The following ZNF226 variants were observed in gnomAD, a reference collection of about 807,000 sequenced individuals.
The protein encoded by ZNF226 is zinc finger protein 226.
In ZNF226, 6 loss-of-function variants were observed where a neutral mutation model predicts 11.4. That is an observed-to-expected ratio of 0.53 (90% confidence interval 0.29 to 1.04). The LOEUF (loss-of-function observed/expected upper bound fraction) is 1.04, where lower values mean the gene tolerates loss of function less well. Ranked by LOEUF, ZNF226 falls within the 50% of genes least tolerant of loss-of-function variation. The pLI is 0.08. For synonymous variants in ZNF226, 350 were observed against 322.8 expected (o/e 1.08, Z -0.90); for missense variants, 1,058 against 956.5 (o/e 1.11, Z -1.40).
Position 44,176,820 on chromosome 19 carries a change from G to T in ZNF226, c.1558G>T (p.Val520Phe). 3 of 1,613,162 alleles carry T rather than the reference G, an allele frequency of 1.9e-6. No homozygotes were observed. The highest frequency in any genetic ancestry group is 2.5e-6 in the Non-Finnish European group (3 of 1,179,744). ...CTTCAGGAGGAATTCCCATTATCAA[G>T]TTCATCTAGTGGTCCACACAGGAGA... ...KSFRRNSHYQ[V>F]HLVVHTGEKP... The change falls in exon 6 of 6, where the codon GTT becomes TTT. Residue 520 changes from valine to phenylalanine, a missense_variant. Coordinates refer to ENST00000337433, the MANE Select transcript of ZNF226 (RefSeq NM_001032373.2).
intron 5 of ZNF226, chr19:44,174,758 C>A: frequency 2.7e-6 from 1 of 365,168 alleles, no homozygotes. Flanking sequence ...CTTTCTATAC[C>A]TTGCTTTCAA....
intron 4 of ZNF226, 66 bp downstream of exon 4, chr19:44,172,280 A>G: frequency 6.5e-7 from 1 of 1,547,038 alleles, no homozygotes; most frequent in Non-Finnish European, 8.7e-7. Flanking sequence ...TGGCCCTTGA[A>G]ATTGTTCCCT....
the ZNF226 span, among the ~76,000 whole-genome samples, chr19:44,183,577 C>T: frequency 6.6e-6 from 1 of 152,178 alleles, no homozygotes; most frequent in African/African-American, 2.4e-5. Context: ...TCTATCACAT[C>T]CTGATTCAAC....
chr19:44,187,995 G>C, the ZNF226 span, among the ~76,000 whole-genome samples: 3 of 152,020 alleles, frequency 2.0e-5, no homozygotes, highest in Non-Finnish European at 4.4e-5. This position sits in a 1 kb window ranked among gnomAD's most constrained non-coding sequence, Gnocchi z 4.0. Flanking sequence ...AAGATACTTT[G>C]TATAATTTCA....
At chr19:44,186,555 T>C in the ZNF226 span, among the ~76,000 whole-genome samples, 2 of 152,062 alleles carry the variant, frequency 1.3e-5, no homozygotes, top group South Asian at 4.1e-4. Context: ...CTTTGTATCT[T>C]GCAACTTTGC....
the ZNF226 span, among the ~76,000 whole-genome samples, chr19:44,187,562 A>G: frequency 6.6e-6 from 1 of 151,786 alleles, no homozygotes; most frequent in East Asian, 1.9e-4. The surrounding 1 kb of genome is among the most constrained non-coding windows in gnomAD (Gnocchi z 4.0). Context: ...TAATTTGTCA[A>G]TTGTGTTAAT....
intron 4 of ZNF226, 122 bp downstream of exon 4, chr19:44,172,336 A>ATCCAGTGTCT: frequency 7.6e-7 from 1 of 1,323,752 alleles, no homozygotes; most frequent in Non-Finnish European, 1.0e-6. Context: ...ATGCAGAGAC[A>ATCCAGTGTCT]CTGGATGTTT....
At chr19:44,175,213 T>C in intron 5 of ZNF226, 1 of 1,410,552 alleles carries the variant, frequency 7.1e-7, no homozygotes, top group South Asian at 1.7e-5. Context: ...TACCATATTA[T>C]GGTAGGAAAG....
chr19:44,190,536 C>T, the ZNF226 span, among the ~76,000 whole-genome samples: 1 of 151,970 alleles, frequency 6.6e-6, no homozygotes, highest in Non-Finnish European at 1.5e-5. Flanking sequence ...GGGGTTTCAC[C>T]ATGTTGGCCA....
In ZNF226 at chr19:44,177,121, G is replaced by A; in HGVS notation, c.1859G>A (p.Cys620Tyr). The change falls in exon 6 of 6, where the codon TGT becomes TAT. Residue 620 changes from cysteine (C) to tyrosine (Y), a missense_variant. Transcript: ENST00000337433. ...GAGAAACCATATAATTGTGAGGAGT[G>A]TGGGAAGGTCTTCAGGCAGGCCTCA... ...TGEKPYNCEE[C>Y]GKVFRQASNL... 1 of 1,614,164 alleles carries A rather than the reference G, an allele frequency of 6.2e-7. No individual in the cohort carries two copies.
At chr19:44,172,761 C>A in intron 4 of ZNF226, 99 bp from the exon 5 acceptor site, 1 of 921,856 alleles carries the variant, frequency 1.1e-6, no homozygotes. Flanking sequence ...TTGAAAAACA[C>A]TGCTTTCAGT....
Position 44,176,087 on chromosome 19 carries a change from A to G in ZNF226, c.825A>G (p.Ser275=), listed in dbSNP as rs764146476. 1 of 1,614,192 alleles carries G rather than the reference A, an allele frequency of 6.2e-7. No individual in the cohort carries two copies. Among genetic ancestry groups the G allele is most frequent in the South Asian group, 1.1e-5 (1 of 91,084 alleles). ...TTGATCTTCATCAGCAGTTACAATC[A>G]GGAGAGAAGTCTCTTACATGTGTTG... ...SSFDLHQQLQ[S]GEKSLTCVER... is the part of the protein sequence containing the mutation. The change falls in exon 6 of 6, where the codon TCA becomes TCG. Residue 275 remains serine, a synonymous_variant. Transcript: ENST00000337433.
the ZNF226 span, among the ~76,000 whole-genome samples, chr19:44,191,759 A>G: frequency 6.6e-6 from 1 of 151,904 alleles, no homozygotes; most frequent in South Asian, 2.1e-4. Context: ...AGAACATTAC[A>G]TGGATTAAAA....
chr19:44,183,119 A>G (rs1302854761), downstream of ZNF226, among the ~76,000 whole-genome samples: 2 of 152,196 alleles, frequency 1.3e-5, no homozygotes, highest in African/African-American at 2.4e-5. Context: ...ACCATATTTA[A>G]TGGAGCTGTG....
the ZNF226 span, among the ~76,000 whole-genome samples, chr19:44,191,104 C>G: frequency 2.0e-5 from 3 of 152,168 alleles, no homozygotes; most frequent in Non-Finnish European, 4.4e-5. Context: ...TTCACAAATT[C>G]ATCAGTTTCT....
At chr19:44,181,104 T>C (rs552429722), downstream of ZNF226, among the ~76,000 whole-genome samples, 221 of 152,300 alleles carry the variant, frequency 1.5e-3, 2 homozygotes, top group African/African-American at 5.2e-3. Flanking sequence ...CTCAGCCAGG[T>C]GCAGTGGCTC....
At chr19:44,175,162 G>T (rs1440219072) in intron 5 of ZNF226, 1 of 1,482,560 alleles carries the variant, frequency 6.7e-7, no homozygotes, top group East Asian at 2.4e-5. Context: ...CTGGGCTGTG[G>T]TTGTAAACTG....
rs777538397 is a variant in ZNF226, at chr19:44,176,008, A to G, written c.746A>G (p.Gln249Arg). The change falls in exon 6 of 6, where the codon CAG becomes CGG. Residue 249 changes from glutamine (Q) to arginine (R), a missense_variant. Physicochemically the swap from Gln to Arg is conservative, Grantham distance 43. Transcript: ENST00000337433. ...FDHNSMIHTG[Q>R]KSYQCNECKK... is the part of the protein sequence containing the mutation. ...CACAATAGCATGATTCACACAGGACAGAAATCGTACCAGTGTAATGAGTGT... is the reference window on the plus strand; with the variant it reads ...CACAATAGCATGATTCACACAGGACGGAAATCGTACCAGTGTAATGAGTGT... 3 of 1,614,004 alleles carry G rather than the reference A, an allele frequency of 1.9e-6. No homozygotes were observed. Among genetic ancestry groups the G allele is most frequent in the Non-Finnish European group, 2.5e-6 (3 of 1,179,892 alleles).
At chr19:44,181,168 C>T (rs1391649224), downstream of ZNF226, among the ~76,000 whole-genome samples, 1 of 152,112 alleles carries the variant, frequency 6.6e-6, no homozygotes, top group Non-Finnish European at 1.5e-5. Context: ...CTCTTGAGCT[C>T]AGGGGTTCAA....
Sources: gnomAD v4.1 joint callset for allele counts (sites outside exome capture counted in the v4.1 genomes callset) on GRCh38, gnomAD v4.1.1 for gene constraint, Gnocchi (gnomAD v3.1) non-coding constraint, MANE v1.5 for transcripts, NCBI Gene and HGNC (gene_info 2026-07-23, HGNC 2026-07-21) for gene names.